Variants in FAM20C observed in about 807,000 individuals in gnomAD.
The protein encoded by FAM20C is extracellular serine/threonine protein kinase FAM20C.
In FAM20C, 40 loss-of-function variants were observed where a neutral mutation model predicts 51.5. The observed-to-expected ratio is 0.78, with a 90% confidence interval of 0.60 to 1.01. The LOEUF is 1.01. Ranked by LOEUF, FAM20C falls within the 50% of genes least tolerant of loss-of-function variation. The pLI is 0.00. For synonymous variants in FAM20C, 406 were observed against 380.6 expected, an observed-to-expected ratio of 1.07 and a Z score of -0.78; for missense variants, 861 against 844.7, an observed-to-expected ratio of 1.02 and a Z score of -0.24.
chr7:217,376 C>G (rs1787031731), intron 3 of FAM20C, among the ~76,000 whole-genome samples: 1 of 3,996 alleles, frequency 2.5e-4, no homozygotes, highest in African/African-American at 9.8e-4. Context: ...CACAGACTGG[C>G]TGTGGGTGAG....
In FAM20C at chr7:257,139, C is replaced by A. The variant is rs144815689; in HGVS notation, c.1445+53C>A. 0.073 allele frequency: 108,872 copies of A among 1,493,898 alleles called. 4,433 individuals are homozygous for A. The highest frequency in any genetic ancestry group is 0.084 in the Non-Finnish European group (93,396 of 1,108,638). The allele number at this position is 1,493,898 out of a possible 1,614,324, so 92.5% of individuals were successfully genotyped here. ...CAGGGAAGGGCCGGCCACCTCCCAGCTACCTGCAGCCCACCTGAGACCCTG... is the reference window on the plus strand; with the variant it reads ...CAGGGAAGGGCCGGCCACCTCCCAGATACCTGCAGCCCACCTGAGACCCTG... On this transcript the variant is annotated intron_variant, in intron 8 of 9. Coordinates refer to ENST00000313766, the MANE Select transcript of FAM20C (RefSeq NM_020223.4).
At position 193,123 on chromosome 7, in the gene FAM20C, GCCGCGC is replaced by G; in HGVS notation, c.-76_-71del. 7.7e-7 allele frequency: 1 copy of G among 1,295,996 alleles called. No individual in the cohort carries two copies. Among genetic ancestry groups the G allele is most frequent in the Non-Finnish European group, 1.0e-6 (1 of 1,003,424 alleles). 80.3% of individuals were successfully genotyped at this position (1,295,996 alleles called of 1,614,324 possible). On this transcript the variant is annotated 5_prime_UTR_variant, in exon 1 of 10. Coordinates refer to ENST00000313766, the MANE Select transcript of FAM20C (RefSeq NM_020223.4). ...GATGGACCTTGACCCGCGAGGCGGC[GCCGCGC>G]TCGTGCCCAGCTGCAGCTAGAGGGG...
At chr7:256,250 T>G in intron 6 of FAM20C, 9 of 628,646 alleles carry the variant, frequency 1.4e-5, no homozygotes, top group East Asian at 2.8e-5. Context: ...CGGGCCGGCC[T>G]GCCCACCAGG....
intron 2 of FAM20C, 146 bp downstream of exon 2, chr7:195,878 C>T (rs568400911): frequency 1.3e-5 from 10 of 765,362 alleles, no homozygotes; most frequent in African/African-American, 7.2e-5. Context: ...GCACGGGCAG[C>T]GAGGAGGGAC....
rs1057213793 is a variant in FAM20C at position 231,223 on chromosome 7, G to A, written c.864-15192G>A. The stretch of plus-strand genomic sequence containing the variant: ...GTGGGTGCGCTGGGGGGTCTGTTCC[G>A]GGGCAGCGAGGACCCCTGGAGGGCA... On this transcript the variant is annotated intron_variant, in intron 3 of 9. Coordinates refer to ENST00000313766, the MANE Select transcript of FAM20C (RefSeq NM_020223.4). Among the ~76,000 whole-genome samples the A allele has an allele frequency of 6.6e-5, 10 of 152,272 alleles. 1 individual carries two copies. The highest frequency in any genetic ancestry group is 1.9e-4 in the East Asian group (1 of 5,174).
intron 3 of FAM20C, among the ~76,000 whole-genome samples, chr7:224,078 G>A (rs1787360666): frequency 6.7e-6 from 1 of 148,630 alleles, no homozygotes; most frequent in Non-Finnish European, 1.5e-5. Context: ...CCGTCACAGG[G>A]TCGCACGGCG....
intron 3 of FAM20C, among the ~76,000 whole-genome samples, chr7:224,056 C>CAAA: frequency 7.4e-6 from 1 of 135,974 alleles, no homozygotes. Flanking sequence ...TCTCTCATTG[C>CAAA]GCAGAATGGC....
chr7:203,336 G>A (rs935462657), intron 2 of FAM20C, among the ~76,000 whole-genome samples: 5 of 152,214 alleles, frequency 3.3e-5, no homozygotes, highest in African/African-American at 4.8e-5. Flanking sequence ...TCCAAGCATC[G>A]TGAACTTTGG....
At chr7:201,350 C>T (rs930874512) in intron 2 of FAM20C, among the ~76,000 whole-genome samples, 1 of 152,208 alleles carries the variant, frequency 6.6e-6, no homozygotes, top group African/African-American at 2.4e-5. Flanking sequence ...TTCTGTGGTC[C>T]ACAGGTCTGT....
chr7:204,659 G>A (rs772626169), intron 2 of FAM20C, among the ~76,000 whole-genome samples: 4 of 152,244 alleles, frequency 2.6e-5, no homozygotes, highest in Non-Finnish European at 5.9e-5. Context: ...CACTCGCGTG[G>A]CCTTTGCCGT....
At position 259,964 on chromosome 7, in the gene FAM20C, C is replaced by T. The variant is rs554371375; in HGVS notation, c.1739C>T (p.Ala580Val). ...VDDDLDTEHR[A>V]ASAR is the part of the protein sequence containing the mutation. ...GACGACCTGGACACTGAGCACAGAG[C>T]CGCCTCGGCGAGGTAGTGTCCGCCG... The change falls in exon 10 of 10, where the codon GCC (alanine) becomes GTC (valine). Residue 580 changes from alanine (A) to valine (V), a missense_variant. Around this residue, in one of 3 missense-constraint regions of FAM20C, gnomAD observed 269 missense variants for 283.8 expected, o/e 0.95. Coordinates refer to ENST00000313766, the MANE Select transcript of FAM20C (RefSeq NM_020223.4). 87 of 1,517,250 alleles carry T rather than the reference C, an allele frequency of 5.7e-5. No individual in the cohort carries two copies. In the East Asian group the frequency reaches 1.8e-3, roughly 32 times the overall value. The allele number at this position is 1,517,250 out of a possible 1,614,324, so 94.0% of individuals were successfully genotyped here.
At position 260,740 on chromosome 7, in the gene FAM20C, G is replaced by A. The variant is rs1788843498; in HGVS notation, c.*760G>A. 6.6e-6 allele frequency: 1 copy of A among 152,296 alleles called. No individual in the cohort carries two copies. The highest frequency in any genetic ancestry group is 2.4e-5 in the African/African-American group (1 of 41,472). 9.4% of individuals were successfully genotyped at this position (152,296 alleles called of 1,614,324 possible). A position where few individuals can be genotyped will look rare whatever the true frequency, so the allele number is the denominator to read the frequency against. On this transcript the variant is annotated 3_prime_UTR_variant, in exon 10 of 10. Transcript: ENST00000313766. ...ATAAAAGTGCAATAAAGGTACAGCAGATGTGTGTCGGCCTCACGGGGCGGG... is the reference window on the plus strand; with the variant it reads ...ATAAAAGTGCAATAAAGGTACAGCAAATGTGTGTCGGCCTCACGGGGCGGG...
chr7:194,009 C>T (rs946229029), intron 1 of FAM20C: 2 of 820,966 alleles, frequency 2.4e-6, no homozygotes, highest in South Asian at 2.7e-5. Context: ...CCGGCTGGTC[C>T]GGGAGCTGTG....
rs1018160913 is a variant in FAM20C, at chr7:205,811, G to A, written c.785-3087G>A. The stretch of plus-strand genomic sequence containing the variant: ...CCTTCCTGGAGGATTCAGTGTCCTC[G>A]GGAAGCATCCACGGCACCCCCAGGC... On this transcript the variant is annotated intron_variant, in intron 2 of 9. Transcript: ENST00000313766. Among the ~76,000 whole-genome samples, 7 of 152,060 alleles carry A rather than the reference G, an allele frequency of 4.6e-5. No individual in the cohort carries two copies. In the South Asian group the frequency reaches 6.2e-4, roughly 14 times the overall value.
intron 9 of FAM20C, among the ~76,000 whole-genome samples, 155 bp from the exon 10 acceptor site, chr7:259,576 G>T (rs1024873352): frequency 6.6e-4 from 26 of 39,416 alleles, no homozygotes; most frequent in African/African-American, 4.5e-3. Flanking sequence ...CTTTCTCTGT[G>T]TATGTCTCTG....
chr7:235,293 G>A (rs1787814438), intron 3 of FAM20C, among the ~76,000 whole-genome samples: 1 of 152,106 alleles, frequency 6.6e-6, no homozygotes, highest in Admixed American at 6.5e-5. Context: ...ACGGTCTGGG[G>A]TATCCGGCGC....
intron 4 of FAM20C, among the ~76,000 whole-genome samples, chr7:247,452 G>A (rs1190459362): frequency 6.6e-6 from 1 of 152,194 alleles, no homozygotes; most frequent in East Asian, 1.9e-4. Context: ...CGGCAGCATT[G>A]GGGTTGCCCT....
chr7:212,531 TACA>T (rs1167621854), intron 3 of FAM20C, among the ~76,000 whole-genome samples: 8 of 152,162 alleles, frequency 5.3e-5, no homozygotes, highest in Non-Finnish European at 7.3e-5. Flanking sequence ...GAGTTCCTAG[TACA>T]ACGTCGTGAA....
At chr7:205,428 T>TG (rs1202809034) in intron 2 of FAM20C, among the ~76,000 whole-genome samples, 3 of 150,834 alleles carry the variant, frequency 2.0e-5, no homozygotes, top group Non-Finnish European at 4.4e-5. Context: ...TTGGTAGAGA[T>TG]GGGGTCTTGC....
Sources: gnomAD v4.1 joint callset for allele counts (sites outside exome capture counted in the v4.1 genomes callset) on GRCh38, gnomAD v4.1.1 for gene constraint, gnomAD v4.1.1 regional missense constraint, MANE v1.5 for transcripts, NCBI Gene and HGNC (gene_info 2026-07-23, HGNC 2026-07-21) for gene names.